Variants in CACNB2 observed in about 807,000 individuals in gnomAD.
CACNB2 encodes the protein calcium voltage-gated channel auxiliary subunit beta 2.
In CACNB2, 42 loss-of-function variants were observed where a neutral mutation model predicts 73.3. The observed-to-expected ratio is 0.57, with a 90% confidence interval of 0.45 to 0.74. The LOEUF is 0.74. Ranked by LOEUF, CACNB2 falls within the 30% of genes least tolerant of loss-of-function variation. The probability of loss-of-function intolerance (pLI) is 0.00; values close to 1 mark genes in which losing one functional copy is unlikely to be tolerated. For synonymous variants in CACNB2, 348 were observed against 310.3 expected (o/e 1.12, Z -1.28); for missense variants, 940 against 853.0 (o/e 1.10, Z -1.27).
At chr10:18,454,532 G>A (rs141580942) in intron 3 of CACNB2, among the ~76,000 whole-genome samples, 89 of 152,264 alleles carry the variant, frequency 5.8e-4, no homozygotes, top group Middle Eastern at 3.4e-3. Flanking sequence ...AAGAACAAAC[G>A]TTTGCCCCCT....
chr10:18,532,718 CAAAA>C (rs1018966349), intron 10 of CACNB2, among the ~76,000 whole-genome samples: 1 of 121,742 alleles, frequency 8.2e-6, no homozygotes, highest in African/African-American at 3.0e-5. Flanking sequence ...AACAAACAAA[CAAAA>C]AAAACAAAAA....
At chr10:18,406,005 T>C (rs1423353264) in intron 3 of CACNB2, among the ~76,000 whole-genome samples, 3 of 152,178 alleles carry the variant, frequency 2.0e-5, no homozygotes, top group Non-Finnish European at 2.9e-5. Flanking sequence ...GTGATCTTCT[T>C]AGCCGAATAG....
At chr10:18,305,091 C>T (rs1470220501) in intron 2 of CACNB2, among the ~76,000 whole-genome samples, 2 of 152,202 alleles carry the variant, frequency 1.3e-5, no homozygotes, top group Non-Finnish European at 1.5e-5. Flanking sequence ...CATGTTTCCA[C>T]CTTTATCTCA....
At chr10:18,286,249 G>T (rs1257763050) in intron 2 of CACNB2, among the ~76,000 whole-genome samples, 3 of 152,086 alleles carry the variant, frequency 2.0e-5, no homozygotes, top group Non-Finnish European at 1.5e-5. Flanking sequence ...GGGCGCAGTG[G>T]CTCACGCCTG....
rs116870102 is a variant in CACNB2 at position 18,521,482 on chromosome 10, C to T, written c.944+2514C>T. On this transcript the variant is annotated intron_variant, in intron 9 of 13. Transcript: ENST00000324631. Reference sequence around the variant, plus strand: ...TCCAAGGGTCATATCTAGTGTGTCACGCCAATGGGCTTGGACTTAATCCTT... The same window carrying T: ...TCCAAGGGTCATATCTAGTGTGTCATGCCAATGGGCTTGGACTTAATCCTT... 5.9e-5 allele frequency among the ~76,000 whole-genome samples: 9 copies of T among 152,266 alleles called. No individual in the cohort carries two copies. The East Asian group carries it at 9.6e-4, about 16-fold the overall frequency.
intron 3 of CACNB2, among the ~76,000 whole-genome samples, chr10:18,472,776 T>G (rs11014399): frequency 0.3 from 46,259 of 152,098 alleles, 7,105 homozygotes; most frequent in Non-Finnish European, 0.33. Flanking sequence ...AGGAAGAATT[T>G]CAGAGAGGTT....
chr10:18,413,636 A>T (rs190364130), intron 3 of CACNB2, among the ~76,000 whole-genome samples: 283 of 152,336 alleles, frequency 1.9e-3, no homozygotes, highest in African/African-American at 6.1e-3. Context: ...CAGAAGGGAA[A>T]TATTGCAGGG....
chr10:18,388,742 T>C (rs755820834), intron 2 of CACNB2, among the ~76,000 whole-genome samples: 1 of 152,204 alleles, frequency 6.6e-6, no homozygotes, highest in Non-Finnish European at 1.5e-5. Context: ...ACTTAAATAA[T>C]CATTTCTATA....
chr10:18,399,503 A>C (rs1436879089), intron 2 of CACNB2, among the ~76,000 whole-genome samples: 2 of 152,108 alleles, frequency 1.3e-5, no homozygotes, highest in African/African-American at 4.8e-5. Context: ...AGATTATATT[A>C]GTGCAGAGTG....
At chr10:18,308,683 G>T (rs2039840695) in intron 2 of CACNB2, among the ~76,000 whole-genome samples, 1 of 152,214 alleles carries the variant, frequency 6.6e-6, no homozygotes, top group African/African-American at 2.4e-5. Flanking sequence ...AGAATGAATT[G>T]TAGGTTGGAT....
At chr10:18,447,999 GT>G (rs2046820109) in intron 3 of CACNB2, among the ~76,000 whole-genome samples, 1 of 151,998 alleles carries the variant, frequency 6.6e-6, no homozygotes, top group Non-Finnish European at 1.5e-5. Flanking sequence ...CTTTCTTTTT[GT>G]TTTTTAATAG....
intron 2 of CACNB2, among the ~76,000 whole-genome samples, chr10:18,252,070 C>T (rs2037113257): frequency 6.6e-6 from 1 of 152,126 alleles, no homozygotes; most frequent in Admixed American, 6.6e-5. Context: ...TGTTTTTTGT[C>T]ATTGTTTTTA....
At chr10:18,401,167 A>G in intron 2 of CACNB2, 1 of 1,584,374 alleles carries the variant, frequency 6.3e-7, no homozygotes, top group Non-Finnish European at 8.7e-7. Flanking sequence ...TGTTGCAGTG[A>G]GTGCAGGTAG....
intron 2 of CACNB2, among the ~76,000 whole-genome samples, chr10:18,169,193 A>T (rs868422201): frequency 3.4e-4 from 49 of 144,548 alleles, no homozygotes; most frequent in Middle Eastern, 3.4e-3. Flanking sequence ...TGGCATATAT[A>T]TTTTTAAAAA....
chr10:18,468,247 C>A (rs2048003558), intron 3 of CACNB2, among the ~76,000 whole-genome samples: 1 of 152,096 alleles, frequency 6.6e-6, no homozygotes, highest in Admixed American at 6.6e-5. Flanking sequence ...ATTTCTTGAG[C>A]TCGAGTTTGA....
At chr10:18,259,040 C>T (rs949182152) in intron 2 of CACNB2, among the ~76,000 whole-genome samples, 5 of 152,088 alleles carry the variant, frequency 3.3e-5, no homozygotes, top group African/African-American at 1.2e-4. Flanking sequence ...CCTTCAAATC[C>T]ACAAAGGTTT....
intron 2 of CACNB2, among the ~76,000 whole-genome samples, chr10:18,171,232 A>G (rs777501765): frequency 1.3e-5 from 2 of 152,206 alleles, no homozygotes; most frequent in Non-Finnish European, 2.9e-5. Context: ...CAATTTCTCC[A>G]GCCAAGAAAT....
At chr10:18,194,516 G>A (rs1483704687) in intron 2 of CACNB2, among the ~76,000 whole-genome samples, 1 of 152,156 alleles carries the variant, frequency 6.6e-6, no homozygotes, top group Non-Finnish European at 1.5e-5. Flanking sequence ...ATGGGCTTCT[G>A]GTGTTGTGCC....
intron 2 of CACNB2, among the ~76,000 whole-genome samples, chr10:18,307,990 T>A (rs1412903526): frequency 4.0e-5 from 5 of 124,850 alleles, no homozygotes; most frequent in African/African-American, 9.6e-5. Context: ...CAACTTTTTT[T>A]TTTTTTTTTT....
Sources: allele counts gnomAD v4.1 joint callset (sites outside exome capture counted in the v4.1 genomes callset), GRCh38; gene constraint gnomAD v4.1.1; transcripts MANE v1.5; gene names NCBI Gene and HGNC (gene_info 2026-07-23, HGNC 2026-07-21).